The following PIK3C2G variants were observed in gnomAD, a reference collection of about 807,000 sequenced individuals.
PIK3C2G encodes the protein phosphatidylinositol 3-kinase C2 domain-containing subunit gamma.
PIK3C2G carries 168 observed loss-of-function variants against 181.1 expected under a neutral mutation model. That is an observed-to-expected ratio of 0.93 (90% CI 0.82 to 1.05). The LOEUF (loss-of-function observed/expected upper bound fraction) is 1.05, where lower values mean the gene tolerates loss of function less well. Ranked by LOEUF, PIK3C2G falls within the 50% of genes least tolerant of loss-of-function variation. The probability of loss-of-function intolerance (pLI) is 0.00; values close to 1 mark genes in which losing one functional copy is unlikely to be tolerated. For missense variants in PIK3C2G, 1,869 were observed against 1,732.8 expected (o/e 1.08, Z -1.40); for synonymous variants, 573 against 592.2 (o/e 0.97, Z 0.47).
chr12:18,492,181 T>C lies in PIK3C2G; in HGVS notation c.2793+623T>C, dbSNP rs570311290. 3.9e-5 allele frequency among the ~76,000 whole-genome samples: 6 copies of C among 152,290 alleles called. No individual in the cohort carries two copies. The South Asian group carries it at 1.2e-3, about 32-fold the overall frequency. ...TTTCTCCCTTGTTCCTGATAAGCTT[T>C]ATTATCTTCCTTCTCAAAAGCCCAA... On this transcript the variant is annotated intron_variant, in intron 20 of 32. Transcript: ENST00000538779.
chr12:18,499,207 C>T (rs1183082751), intron 22 of PIK3C2G, among the ~76,000 whole-genome samples: 2 of 152,184 alleles, frequency 1.3e-5, no homozygotes, highest in African/African-American at 2.4e-5. Flanking sequence ...TCTCTGTCTA[C>T]CAACAACAAC....
chr12:18,448,590 T>C (rs1947158743), intron 18 of PIK3C2G, among the ~76,000 whole-genome samples: 1 of 152,134 alleles, frequency 6.6e-6, no homozygotes, highest in African/African-American at 2.4e-5. Context: ...ATGCTATGTG[T>C]TGGACTTTCT....
At chr12:18,357,803 G>A (rs12315785) in intron 11 of PIK3C2G, among the ~76,000 whole-genome samples, 3 of 152,052 alleles carry the variant, frequency 2.0e-5, no homozygotes, top group South Asian at 2.1e-4. Context: ...CCAAGTGCCC[G>A]GTAACCAACA....
intron 18 of PIK3C2G, among the ~76,000 whole-genome samples, chr12:18,450,759 G>A (rs184000747): frequency 7.9e-5 from 12 of 152,230 alleles, no homozygotes; most frequent in Admixed American, 5.9e-4. Context: ...TGTATAAGGT[G>A]TAAGGAAGGG....
chr12:18,313,871 C>A, intron 5 of PIK3C2G, 91 bp from the exon 6 acceptor site: 1 of 730,714 alleles, frequency 1.4e-6, no homozygotes, highest in Non-Finnish European at 2.3e-6. Context: ...AACTAAGTTC[C>A]AAAAATAAAA....
At chr12:18,629,598 G>T (rs1949259352) in intron 31 of PIK3C2G, among the ~76,000 whole-genome samples, 1 of 152,154 alleles carries the variant, frequency 6.6e-6, no homozygotes, top group Admixed American at 6.5e-5. Flanking sequence ...GAGTAGAGGG[G>T]ATAAAGAAGG....
rs371673614 is a variant in PIK3C2G at position 18,275,109 on chromosome 12, CT to C, written c.-78-6892del. On this transcript the variant is annotated intron_variant, in intron 1 of 32. Transcript: ENST00000538779. ...TCCGGGGTCATGACAGTTTGAGAAG[CT>C]TTAATTTTGAAGTCAGTTTATGTCC... Among the ~76,000 whole-genome samples, 169 of 152,272 alleles carry C rather than the reference CT, an allele frequency of 1.1e-3. 1 individual carries two copies. Among genetic ancestry groups the C allele is most frequent in the African/African-American group, 3.9e-3 (163 of 41,582 alleles).
the PIK3C2G span, among the ~76,000 whole-genome samples, chr12:18,708,488 A>G: frequency 6.6e-6 from 1 of 152,158 alleles, no homozygotes; most frequent in Non-Finnish European, 1.5e-5. Flanking sequence ...CAAAAACTTT[A>G]TGAGATGGTT....
At chr12:18,624,748 C>T (rs1432199081) in intron 31 of PIK3C2G, among the ~76,000 whole-genome samples, 1 of 151,534 alleles carries the variant, frequency 6.6e-6, no homozygotes, top group East Asian at 1.9e-4. Flanking sequence ...TTTTCTATTT[C>T]TTCATGATTC....
In PIK3C2G at chr12:18,594,540, C is replaced by G. The variant is rs561351298; in HGVS notation, c.4058C>G (p.Thr1353Arg). Residue 1353 changes from threonine (T) to arginine (R), a missense_variant, in exon 30 of 33, where the codon ACA becomes AGA. Thr to Arg is a moderately conservative substitution (Grantham distance 71). Transcript: ENST00000538779. The stretch of plus-strand genomic sequence containing the variant: ...TTCCTCTCTGAGGCTGTGCAACAAA[C>G]AGTTGAAGAATCATCACCTGTGTAC... ...SFFLSEAVQQ[T>R]VEESSPVYLG... 1.5e-5 allele frequency: 24 copies of G among 1,552,486 alleles called. 1 individual carries two copies. In the South Asian group the frequency reaches 2.7e-4, roughly 17 times the overall value.
chr12:18,405,514 G>T (rs186143175), intron 16 of PIK3C2G, among the ~76,000 whole-genome samples: 11 of 151,550 alleles, frequency 7.3e-5, no homozygotes, highest in Admixed American at 7.3e-4. Context: ...CCGCCTCCCC[G>T]GGAGAACAGC....
Position 18,314,024 on chromosome 12 carries a change from T to C in PIK3C2G, c.1097T>C (p.Leu366Pro). The change falls in exon 6 of 33, where the codon CTG (leucine) becomes CCG (proline). Residue 366 changes from leucine (L) to proline (P), a missense_variant. Transcript: ENST00000538779. ...GATAAATCTGTTATTCAGCTCCACC[T>C]GCAGAAAAGTAGGGAAGCTCCAGGA... is the stretch of plus-strand genomic sequence containing the variant. ...QKDKSVIQLH[L>P]QKSREAPGKL... 6.3e-7 allele frequency: 1 copy of C among 1,587,864 alleles called. No individual in the cohort carries two copies. Among genetic ancestry groups the C allele is most frequent in the Non-Finnish European group, 8.6e-7 (1 of 1,165,372 alleles).
chr12:18,642,293 G>A (rs76107538), intron 32 of PIK3C2G, among the ~76,000 whole-genome samples: 2,547 of 152,252 alleles, frequency 0.017, 26 homozygotes, highest in Middle Eastern at 0.044. Context: ...TTAATAAAAT[G>A]TGATGTTTAA....
intron 16 of PIK3C2G, among the ~76,000 whole-genome samples, chr12:18,408,558 A>T (rs888055849): frequency 3.3e-5 from 5 of 152,122 alleles, no homozygotes; most frequent in African/African-American, 1.2e-4. Flanking sequence ...AAACAGACAA[A>T]TGGGATCTAA....
chr12:18,629,369 A>C (rs1189204354), intron 31 of PIK3C2G, among the ~76,000 whole-genome samples: 1 of 152,162 alleles, frequency 6.6e-6, no homozygotes, highest in Non-Finnish European at 1.5e-5. Context: ...AGGAGATTTT[A>C]AGAACTTCTT....
chr12:18,625,160 G>A (rs1949039703), intron 31 of PIK3C2G, among the ~76,000 whole-genome samples: 2 of 151,554 alleles, frequency 1.3e-5, no homozygotes. Flanking sequence ...GGCATTTATT[G>A]TTACAAACTT....
chr12:18,398,971 G>A (rs1203798135), intron 15 of PIK3C2G, among the ~76,000 whole-genome samples: 6 of 151,854 alleles, frequency 4.0e-5, no homozygotes, highest in Non-Finnish European at 8.8e-5. Flanking sequence ...CGAGGCGGGC[G>A]GATCACGAGG....
intron 24 of PIK3C2G, among the ~76,000 whole-genome samples, chr12:18,533,230 G>T (rs1309281872): frequency 1.1e-4 from 17 of 152,070 alleles, no homozygotes; most frequent in Non-Finnish European, 2.1e-4. Context: ...CCATGGTCCA[G>T]AAATGAGTAC....
chr12:18,429,067 G>A (rs973158236), intron 18 of PIK3C2G, among the ~76,000 whole-genome samples: 33 of 152,122 alleles, frequency 2.2e-4, no homozygotes, highest in African/African-American at 7.7e-4. Flanking sequence ...GGTCTTTGAC[G>A]ATAGAATTTA....
Sources: allele counts gnomAD v4.1 joint callset (sites outside exome capture counted in the v4.1 genomes callset), GRCh38; gene constraint gnomAD v4.1.1; transcripts MANE v1.5; gene names NCBI Gene and HGNC (gene_info 2026-07-23, HGNC 2026-07-21).